The following GREB1L variants were observed in gnomAD, a reference collection of about 807,000 sequenced individuals.
The protein encoded by GREB1L is GREB1-like protein.
Under a neutral mutation model 200.8 loss-of-function variants are expected in GREB1L, and 17 were observed. The ratio of observed to expected loss-of-function variants is 0.08; its 90% CI spans 0.06 to 0.13. GREB1L has a LOEUF of 0.13. GREB1L is among the 10% of genes least tolerant of loss of function. The probability of loss-of-function intolerance (pLI) is 1.00; values close to 1 mark genes in which losing one functional copy is unlikely to be tolerated. For missense variants in GREB1L, 1,657 were observed against 2,367.7 expected (o/e 0.70, Z 6.23); for synonymous variants, 789 against 893.0 (o/e 0.88, Z 2.08).
intron 1 of GREB1L, among the ~76,000 whole-genome samples, chr18:21,308,951 C>T (rs1490916755): frequency 1.3e-5 from 2 of 152,236 alleles, no homozygotes; most frequent in Non-Finnish European, 2.9e-5. Context: ...CAAGCGTGAC[C>T]ATTTCCTGAG....
At chr18:21,416,573 T>C (rs1399061343) in intron 7 of GREB1L, among the ~76,000 whole-genome samples, 1 of 151,642 alleles carries the variant, frequency 6.6e-6, no homozygotes, top group East Asian at 1.9e-4. Flanking sequence ...GCACCTGTAG[T>C]GTCCCAGCTA....
chr18:21,263,221 G>T (rs1303352485), intron 1 of GREB1L, among the ~76,000 whole-genome samples: 1 of 152,166 alleles, frequency 6.6e-6, no homozygotes, highest in Non-Finnish European at 1.5e-5. Context: ...GAAAAGATAA[G>T]AACTCCATTG....
rs1177779671 is a variant in GREB1L, at chr18:21,496,655, G to T, written c.3348G>T (p.Leu1116=). The T allele has an allele frequency of 6.4e-7, 1 of 1,551,624 alleles. No homozygotes were observed. The highest frequency in any genetic ancestry group is 2.4e-5 in the East Asian group (1 of 40,922). The change falls in exon 21 of 33, where the codon CTG becomes CTT. Residue 1116 remains leucine, a synonymous_variant. Transcript: ENST00000424526. ...ENDSDELLID[L]ERPQSNSSAV... ...ACTCCGATGAGCTGCTCATCGACCT[G>T]GAGCGGCCCCAGAGCAACAGCAGCG...
intron 1 of GREB1L, among the ~76,000 whole-genome samples, chr18:21,251,085 G>A (rs1330212076): frequency 6.6e-6 from 1 of 152,248 alleles, no homozygotes; most frequent in African/African-American, 2.4e-5. Flanking sequence ...GGAGGCCAAA[G>A]TGGGAGGAAG....
chr18:21,321,784 A>G (rs557615181), intron 1 of GREB1L, among the ~76,000 whole-genome samples: 1 of 152,262 alleles, frequency 6.6e-6, no homozygotes, highest in African/African-American at 2.4e-5. Flanking sequence ...ATTAATGGAA[A>G]AAGCATGTCG....
At chr18:21,353,192 A>G (rs868663689) in intron 1 of GREB1L, among the ~76,000 whole-genome samples, 1 of 151,946 alleles carries the variant, frequency 6.6e-6, no homozygotes, top group Non-Finnish European at 1.5e-5. Flanking sequence ...AAAAAAAAAA[A>G]AAGAAGAAAG....
intron 10 of GREB1L, 116 bp downstream of exon 10, chr18:21,441,653 A>C (rs1417599285): frequency 2.0e-6 from 2 of 1,007,848 alleles, no homozygotes; most frequent in Non-Finnish European, 2.9e-6. Flanking sequence ...TGATTCTGTC[A>C]GCTTTTATTG....
rs903075825 is a variant in GREB1L, at chr18:21,524,260, G to C, written c.*1439G>C. ...TAATTGACCAGCTTTATTATCTTAT[G>C]ACAACAAGGAGTTTACAAAGCTAGT... On this transcript the variant is annotated 3_prime_UTR_variant, in exon 33 of 33. Coordinates refer to ENST00000424526, the MANE Select transcript of GREB1L (RefSeq NM_001142966.3). The C allele has an allele frequency of 3.3e-5, 5 of 152,152 alleles. No homozygotes were observed. Among genetic ancestry groups the C allele is most frequent in the Admixed American group, 3.3e-4 (5 of 15,264 alleles). 9.4% of individuals were successfully genotyped at this position (152,152 alleles called of 1,614,324 possible).
At chr18:21,286,410 T>A (rs2038357959) in intron 1 of GREB1L, among the ~76,000 whole-genome samples, 1 of 152,244 alleles carries the variant, frequency 6.6e-6, no homozygotes, top group South Asian at 2.1e-4. Flanking sequence ...AAAATAGAAA[T>A]GGCATCTCTA....
rs140017914 is a variant in GREB1L, at chr18:21,320,199, G to A, written c.-119-45828G>A. On this transcript the variant is annotated intron_variant, in intron 1 of 32. Transcript: ENST00000424526. ...TCAAAAAGGAAACTGCACAGAATATGTACAAAGTTACAACCAGAAAAAGGG... is the reference window on the plus strand; with the variant it reads ...TCAAAAAGGAAACTGCACAGAATATATACAAAGTTACAACCAGAAAAAGGG... Among the ~76,000 whole-genome samples the A allele has an allele frequency of 2.0e-5, 3 of 152,192 alleles. No individual in the cohort carries two copies. The East Asian group carries it at 5.8e-4, about 29-fold the overall frequency.
At chr18:21,268,505 ATATATG>A (rs1363691100) in intron 1 of GREB1L, among the ~76,000 whole-genome samples, 2 of 126,860 alleles carry the variant, frequency 1.6e-5, no homozygotes, top group African/African-American at 6.1e-5. Flanking sequence ...ATATACATAT[ATATATG>A]TATATATATA....
At chr18:21,509,343 G>A (rs1399116605) in intron 27 of GREB1L, among the ~76,000 whole-genome samples, 1 of 152,236 alleles carries the variant, frequency 6.6e-6, no homozygotes, top group Non-Finnish European at 1.5e-5. Context: ...CAAGTCAGGA[G>A]CTGCTTGTTC....
At chr18:21,255,756 A>G (rs1192010111) in intron 1 of GREB1L, among the ~76,000 whole-genome samples, 1 of 152,164 alleles carries the variant, frequency 6.6e-6, no homozygotes, top group Non-Finnish European at 1.5e-5. Context: ...ATATTCTCTA[A>G]TTGTCTCAGA....
At chr18:21,483,140 AGAAAG>A (rs2035987050) in intron 17 of GREB1L, among the ~76,000 whole-genome samples, 1 of 152,196 alleles carries the variant, frequency 6.6e-6, no homozygotes, top group Non-Finnish European at 1.5e-5. Flanking sequence ...CCTGCTAAGA[AGAAAG>A]AGAGAGAAAT....
At chr18:21,471,348 T>A (rs1429002853) in intron 15 of GREB1L, among the ~76,000 whole-genome samples, 3 of 152,188 alleles carry the variant, frequency 2.0e-5, no homozygotes, top group Non-Finnish European at 4.4e-5. Flanking sequence ...ACACTCCCTA[T>A]TTTACAGATA....
intron 5 of GREB1L, among the ~76,000 whole-genome samples, chr18:21,400,329 G>A (rs1343987163): frequency 6.6e-6 from 1 of 152,096 alleles, no homozygotes. Flanking sequence ...TCTGAGTGAG[G>A]AATTGTTTGG....
chr18:21,296,035 T>G (rs1417245178), intron 1 of GREB1L, among the ~76,000 whole-genome samples: 1 of 152,188 alleles, frequency 6.6e-6, no homozygotes, highest in Non-Finnish European at 1.5e-5. Flanking sequence ...TCAAAGAACT[T>G]AAAATAGAAC....
At chr18:21,325,547 G>A (rs2039009549) in intron 1 of GREB1L, among the ~76,000 whole-genome samples, 1 of 151,902 alleles carries the variant, frequency 6.6e-6, no homozygotes, top group African/African-American at 2.4e-5. Context: ...TGTTGCGGTA[G>A]CTCACATACG....
chr18:21,247,282 T>C (rs930600201), intron 1 of GREB1L, among the ~76,000 whole-genome samples: 15 of 152,216 alleles, frequency 9.9e-5, no homozygotes, highest in African/African-American at 3.4e-4. Flanking sequence ...GAATTCACTA[T>C]CTTTTCAAGG....
Sources: gnomAD v4.1 joint callset for allele counts (sites outside exome capture counted in the v4.1 genomes callset) on GRCh38, gnomAD v4.1.1 for gene constraint, MANE v1.5 for transcripts, NCBI Gene and HGNC (gene_info 2026-07-23, HGNC 2026-07-21) for gene names.